ZNF638: variants seen among roughly 807,000 people sequenced by gnomAD.
ZNF638 encodes zinc finger protein 638.
Under a neutral mutation model 195.6 loss-of-function variants are expected in ZNF638, and 46 were observed. The ratio of observed to expected loss-of-function variants is 0.24; its 90% CI spans 0.19 to 0.30. The LOEUF is 0.30. Among genes scored for constraint, ZNF638 ranks in the 10% least tolerant of loss-of-function variants. The pLI is 1.00. For synonymous variants in ZNF638, 845 were observed against 772.0 expected (o/e 1.09, Z -1.57); for missense variants, 2,440 against 2,325.3 (o/e 1.05, Z -1.01).
At chr2:71,380,117 A>G (rs1354262669) in intron 8 of ZNF638, 105 bp from the exon 9 acceptor site, 10 of 530,256 alleles carry the variant, frequency 1.9e-5, no homozygotes, top group Non-Finnish European at 3.2e-5. Context: ...GGAAAAGGTA[A>G]TAATCATGTG....
At chr2:71,422,682 T>C (rs1028418637) in intron 21 of ZNF638, 132 bp from the exon 22 acceptor site, 1 of 883,856 alleles carries the variant, frequency 1.1e-6, no homozygotes, top group Non-Finnish European at 1.7e-6. Context: ...CCAGTGCTTA[T>C]TACGAATGCA....
intron 1 of ZNF638, among the ~76,000 whole-genome samples, chr2:71,346,841 G>A (rs1481785517): frequency 1.3e-5 from 2 of 151,980 alleles, no homozygotes; most frequent in Non-Finnish European, 2.9e-5. Flanking sequence ...CCGACATGAC[G>A]AAACCCCATC....
At position 71,423,962 on chromosome 2, in the gene ZNF638, A is replaced by G. The variant is rs1450616975; in HGVS notation, c.4448A>G (p.Tyr1483Cys). 33 of 1,614,040 alleles carry G rather than the reference A, an allele frequency of 2.0e-5. No individual in the cohort carries two copies. The East Asian group carries it at 7.1e-4, about 35-fold the overall frequency. Residue 1483 changes from tyrosine to cysteine, a missense_variant, in exon 22 of 28, where the codon TAC becomes TGC. Transcript: ENST00000264447. ...ALQGKLSKLD[Y>C]RDITKQSQET... ...CAAGGCAAGCTTTCTAAACTGGATT[A>G]CAGAGATATAACAAAACAATCTCAG...
Position 71,428,605 on chromosome 2 carries a change from T to G in ZNF638, c.5604T>G (p.Val1868=), listed in dbSNP as rs2080588796. ...IGKTLPSEKA[V]VTEPAKGEEA... ...AAACTCTGCCATCAGAAAAAGCTGT[T>G]GTGACAGAACCAGCAAAAGGTGAAG... Residue 1868 remains valine, a synonymous_variant, in exon 25 of 28, where the codon GTT becomes GTG. Coordinates refer to ENST00000264447, the MANE Select transcript of ZNF638 (RefSeq NM_014497.5). The G allele has an allele frequency of 6.2e-7, 1 of 1,614,078 alleles. No homozygotes were observed. The highest frequency in any genetic ancestry group is 8.5e-7 in the Non-Finnish European group (1 of 1,179,982).
At chr2:71,428,477 A>G in intron 24 of ZNF638, 70 bp from the exon 25 acceptor site, 1 of 1,408,302 alleles carries the variant, frequency 7.1e-7, no homozygotes, top group Non-Finnish European at 9.8e-7. Flanking sequence ...TTCAGACAGT[A>G]TAATATGTTT....
intron 12 of ZNF638, 33 bp from the exon 13 acceptor site, chr2:71,399,526 C>T (rs1458479317): frequency 9.3e-6 from 14 of 1,498,224 alleles, no homozygotes; most frequent in Non-Finnish European, 1.3e-5. Flanking sequence ...TTAACAAGAC[C>T]TTTAGAATAA....
Position 71,380,207 on chromosome 2 carries a change from AT to A in ZNF638, c.2266-10del. 6.7e-7 allele frequency: 1 copy of A among 1,494,210 alleles called. No homozygotes were observed. Among genetic ancestry groups the A allele is most frequent in the Non-Finnish European group, 8.9e-7 (1 of 1,117,842 alleles). 92.6% of individuals were successfully genotyped at this position (1,494,210 alleles called of 1,614,324 possible). On this transcript the variant is annotated splice_polypyrimidine_tract_variant and intron_variant, in intron 8 of 27. Transcript: ENST00000264447. ...ATACTAAATTTCTTTTGTTCAAAAT[AT>A]TTTTCCTACGTAGAACAAAGAGGTG...
At chr2:71,420,444 A>G (rs1204688805) in intron 21 of ZNF638, among the ~76,000 whole-genome samples, 3 of 152,224 alleles carry the variant, frequency 2.0e-5, no homozygotes, top group Non-Finnish European at 4.4e-5. Flanking sequence ...AACATTAGGA[A>G]GTAAACAGTT....
chr2:71,406,002 A>G, intron 18 of ZNF638, 126 bp from the exon 19 acceptor site: 1 of 1,064,914 alleles, frequency 9.4e-7, no homozygotes, highest in Non-Finnish European at 1.4e-6. Context: ...TCCCCCATGT[A>G]GTCATTTTCT....
Position 71,423,245 on chromosome 2 carries a change from C to T in ZNF638, c.3731C>T (p.Pro1244Leu). The T allele has an allele frequency of 6.2e-7, 1 of 1,614,036 alleles. No homozygotes were observed. The highest frequency in any genetic ancestry group is 8.5e-7 in the Non-Finnish European group (1 of 1,180,000). The change falls in exon 22 of 28, where the codon CCA (proline) becomes CTA (leucine). Residue 1244 changes from proline to leucine, a missense_variant. Physicochemically the swap from Pro to Leu is moderately conservative, Grantham distance 98 (BLOSUM62 -3). Transcript: ENST00000264447. ...RNLKGILEES[P>L]SEAEDFISGI... ...CTCAAAGGAATTCTAGAAGAATCTC[C>T]ATCTGAAGCAGAAGATTTCATTTCT... is the stretch of plus-strand genomic sequence containing the variant.
At chr2:71,431,561 C>T in intron 26 of ZNF638, 133 bp downstream of exon 26, 1 of 678,186 alleles carries the variant, frequency 1.5e-6, no homozygotes, top group East Asian at 3.2e-5. Context: ...AGATTGAGAC[C>T]ATCCTGGCTA....
intron 10 of ZNF638, among the ~76,000 whole-genome samples, chr2:71,381,384 A>G (rs1446783237): frequency 1.3e-5 from 2 of 152,106 alleles, no homozygotes; most frequent in African/African-American, 4.8e-5. Context: ...CGTAATGTTT[A>G]GTTGTATAGA....
At chr2:71,356,346 A>G (rs1451723451) in intron 3 of ZNF638, among the ~76,000 whole-genome samples, 1 of 152,186 alleles carries the variant, frequency 6.6e-6, no homozygotes, top group African/African-American at 2.4e-5. Flanking sequence ...TGTGATTTTA[A>G]CACTATGTTC....
chr2:71,345,135 G>A (rs1359309511), intron 1 of ZNF638, among the ~76,000 whole-genome samples: 2 of 152,086 alleles, frequency 1.3e-5, no homozygotes, highest in Admixed American at 1.3e-4. Context: ...ATTTTTAATT[G>A]TTAATCTCTT....
At chr2:71,408,327 C>G in intron 20 of ZNF638, 80 bp downstream of exon 20, 1 of 1,474,802 alleles carries the variant, frequency 6.8e-7, no homozygotes, top group Non-Finnish European at 9.1e-7. Context: ...AGTAGTCAAA[C>G]TGTTTCTGTG....
intron 1 of ZNF638, among the ~76,000 whole-genome samples, chr2:71,347,797 G>A (rs1047634346): frequency 6.6e-6 from 1 of 152,196 alleles, no homozygotes; most frequent in Admixed American, 6.5e-5. Context: ...CCTGGAAACT[G>A]TAAGTTACTT....
In ZNF638 at chr2:71,369,909, GGCAATTACT is replaced by G; in HGVS notation, c.2177_2185del (p.Thr726_Ile728del). On this transcript the variant is annotated inframe_deletion, in exon 8 of 28. Transcript: ENST00000264447. The stretch of plus-strand genomic sequence containing the variant: ...CTTACCTAGAAATGGAATTTAAAGA[GGCAATTACT>G]GCAATTATGAAGTACATTGAAACAA... 3.1e-6 allele frequency: 5 copies of G among 1,587,884 alleles called. No homozygotes were observed. Among genetic ancestry groups the G allele is most frequent in the Non-Finnish European group, 4.3e-6 (5 of 1,171,304 alleles).
At chr2:71,429,002 G>A (rs896284546) in intron 25 of ZNF638, 7 of 172,984 alleles carry the variant, frequency 4.0e-5, no homozygotes, top group Admixed American at 1.7e-4. Flanking sequence ...CCTTAATAGC[G>A]TTTATAAAAT....
intron 24 of ZNF638, among the ~76,000 whole-genome samples, chr2:71,428,188 T>C (rs2080578991): frequency 1.3e-5 from 2 of 152,098 alleles, no homozygotes; most frequent in Non-Finnish European, 2.9e-5. Flanking sequence ...TGAGCCACTT[T>C]GTCTCCAAAA....
Sources: allele counts gnomAD v4.1 joint callset (sites outside exome capture counted in the v4.1 genomes callset), GRCh38; gene constraint gnomAD v4.1.1; transcripts MANE v1.5; gene names NCBI Gene and HGNC (gene_info 2026-07-23, HGNC 2026-07-21).